PIKFYVE: variants seen among roughly 807,000 people sequenced by gnomAD.
PIKFYVE encodes the protein phosphoinositide kinase, FYVE-type zinc finger containing, also known as 1-phosphatidylinositol 3-phosphate 5-kinase.
A neutral mutation model predicts 257.9 loss-of-function variants in PIKFYVE; 122 were observed. The ratio of observed to expected loss-of-function variants is 0.47; its 90% CI spans 0.41 to 0.55. The LOEUF is 0.55. Ranked by LOEUF, PIKFYVE falls within the 20% of genes least tolerant of loss-of-function variation. The pLI is 0.00. For missense variants in PIKFYVE, 2,160 were observed against 2,536.6 expected, an observed-to-expected ratio of 0.85 and a Z score of 3.19; for synonymous variants, 892 against 868.9, an observed-to-expected ratio of 1.03 and a Z score of -0.47.
At position 208,351,404 on chromosome 2, in the gene PIKFYVE, C is replaced by T. The variant is rs769755659; in HGVS notation, c.5664C>T (p.Leu1888=). The stretch of plus-strand genomic sequence containing the variant: ...CTCGTCTGGAAGTCCAGTCCTTCCT[C>T]GACTTTGCACCACATTACTTCAATT... ...QMPRLEVQSF[L]DFAPHYFNYI... The change falls in exon 38 of 42, where the codon CTC becomes CTT. Residue 1888 remains leucine (L), a synonymous_variant. Transcript: ENST00000264380. The T allele has an allele frequency of 1.9e-5, 30 of 1,613,766 alleles. No individual in the cohort carries two copies. The highest frequency in any genetic ancestry group is 1.1e-4 in the African/African-American group (8 of 74,906).
rs746890871 is a variant in PIKFYVE, at chr2:208,314,439, T to G, written c.1826+16T>G. On this transcript the variant is annotated intron_variant, in intron 14 of 41. Coordinates refer to ENST00000264380, the MANE Select transcript of PIKFYVE (RefSeq NM_015040.4). ...AGAGGTTGCTGTAAGGCAATGAAATTTTTAATTTTAATTTTTCACTTTTAT... is the reference window on the plus strand; with the variant it reads ...AGAGGTTGCTGTAAGGCAATGAAATGTTTAATTTTAATTTTTCACTTTTAT... 6.2e-7 allele frequency: 1 copy of G among 1,607,180 alleles called. No homozygotes were observed. Among genetic ancestry groups the G allele is most frequent in the South Asian group, 1.1e-5 (1 of 90,462 alleles).
In PIKFYVE at chr2:208,274,806, A is replaced by G. The variant is rs189002653; in HGVS notation, c.322+1073A>G. 9.0e-3 allele frequency among the ~76,000 whole-genome samples: 1,341 copies of G among 148,380 alleles called. 11 individuals carry two copies. The highest frequency in any genetic ancestry group is 0.031 in the African/African-American group (1,246 of 39,836). ...TCAATAAACTCTCCTTAGCTCTTGA[A>G]TCTGACTCACAACAACACTCTTTTT... On this transcript the variant is annotated intron_variant, in intron 3 of 41. Coordinates refer to ENST00000264380, the MANE Select transcript of PIKFYVE (RefSeq NM_015040.4).
chr2:208,315,058 T>C, intron 14 of PIKFYVE, 135 bp from the exon 15 acceptor site: 2 of 826,220 alleles, frequency 2.4e-6, no homozygotes, highest in Admixed American at 4.1e-5. Flanking sequence ...GAAAGAATGA[T>C]ATTGACCTAG....
chr2:208,338,469 C>T (rs775184959), intron 28 of PIKFYVE, 39 bp from the exon 29 acceptor site: 3 of 1,595,540 alleles, frequency 1.9e-6, no homozygotes, highest in Non-Finnish European at 2.6e-6. Context: ...ATGTGATTTT[C>T]ATGTTTTCCA....
chr2:208,299,168 A>G (rs1004603000), intron 8 of PIKFYVE, among the ~76,000 whole-genome samples: 1 of 152,168 alleles, frequency 6.6e-6, no homozygotes, highest in African/African-American at 2.4e-5. Context: ...TAAGAAATAT[A>G]TAAGTGAAAT....
intron 5 of PIKFYVE, among the ~76,000 whole-genome samples, chr2:208,285,194 C>T (rs765096112): frequency 5.3e-5 from 8 of 152,192 alleles, no homozygotes; most frequent in Non-Finnish European, 1.0e-4. Context: ...CTCCCGGGTT[C>T]AAGCAATTCT....
intron 23 of PIKFYVE, 86 bp from the exon 24 acceptor site, chr2:208,333,229 A>G: frequency 2.2e-6 from 3 of 1,383,772 alleles, no homozygotes; most frequent in African/African-American, 1.4e-5. Flanking sequence ...GCGAGACTCC[A>G]TCTCAAAAAA....
At chr2:208,315,487 G>A in intron 15 of PIKFYVE, 114 bp downstream of exon 15, 1 of 1,255,160 alleles carries the variant, frequency 8.0e-7, no homozygotes, top group Non-Finnish European at 1.1e-6. Context: ...TGCTAGGTGA[G>A]GAGTAGGAGG....
chr2:208,339,933 A>C lies in PIKFYVE; in HGVS notation c.4811-78A>C. On this transcript the variant is annotated intron_variant, in intron 30 of 41. Coordinates refer to ENST00000264380, the MANE Select transcript of PIKFYVE (RefSeq NM_015040.4). The stretch of plus-strand genomic sequence containing the variant: ...ATACATATGTCCATATTCCGAAAGG[A>C]AAAGAACCAAAGTCAGCAGTTTATA... 2.0e-6 allele frequency: 3 copies of C among 1,522,076 alleles called. No individual in the cohort carries two copies. The East Asian group carries it at 7.0e-5, about 36-fold the overall frequency. The allele number at this position is 1,522,076 out of a possible 1,614,324, so 94.3% of individuals were successfully genotyped here.
intron 12 of PIKFYVE, among the ~76,000 whole-genome samples, chr2:208,306,937 C>G (rs1363025884): frequency 6.6e-6 from 1 of 152,140 alleles, no homozygotes; most frequent in Non-Finnish European, 1.5e-5. Flanking sequence ...ACCACCATGC[C>G]TGGCTAATTT....
intron 40 of PIKFYVE, 123 bp from the exon 41 acceptor site, chr2:208,354,448 A>AAAAAC: frequency 1.0e-6 from 1 of 974,672 alleles, no homozygotes; most frequent in South Asian, 1.4e-5. Flanking sequence ...AGCACTTGGC[A>AAAAAC]CATTGTTAGC....
intron 12 of PIKFYVE, among the ~76,000 whole-genome samples, chr2:208,308,480 A>G (rs1694601997): frequency 6.6e-6 from 1 of 152,110 alleles, no homozygotes; most frequent in Non-Finnish European, 1.5e-5. Context: ...TTTGAAATAT[A>G]CAATACACTA....
intron 31 of PIKFYVE, among the ~76,000 whole-genome samples, chr2:208,342,154 GT>G (rs1004534904): frequency 5.9e-5 from 9 of 152,184 alleles, no homozygotes; most frequent in African/African-American, 1.9e-4. Context: ...GCTACACTGG[GT>G]TTTTTTGTGT....
chr2:208,302,151 G>GA (rs777923130), intron 9 of PIKFYVE, 91 bp from the exon 10 acceptor site: 43 of 1,144,020 alleles, frequency 3.8e-5, no homozygotes, highest in Middle Eastern at 1.9e-4. Flanking sequence ...GATTAGAACT[G>GA]AAAAAAAATA....
intron 34 of PIKFYVE, among the ~76,000 whole-genome samples, chr2:208,347,529 C>T (rs1225965767): frequency 6.6e-6 from 1 of 152,164 alleles, no homozygotes; most frequent in Non-Finnish European, 1.5e-5. Context: ...GTTGCTTAAG[C>T]TGTGACTGCC....
chr2:208,321,380 A>G (rs1040262952), intron 17 of PIKFYVE, among the ~76,000 whole-genome samples: 1 of 152,074 alleles, frequency 6.6e-6, no homozygotes, highest in African/African-American at 2.4e-5. Flanking sequence ...AATAAGAGAA[A>G]ATGAGTTGTA....
chr2:208,304,859 T>G lies in PIKFYVE; in HGVS notation c.1482T>G (p.Pro494=). ...GDDNLANSAS[P]SKRTSVSSFQ... ...CAACACTAAAAGATTCTGCCAGTCC[T>G]AGCAAGCGCACATCAGTCAGCAGTT... The change falls in exon 12 of 42, where the codon CCT becomes CCG. Residue 494 remains proline (P), a synonymous_variant. Coordinates refer to ENST00000264380, the MANE Select transcript of PIKFYVE (RefSeq NM_015040.4). 6.2e-7 allele frequency: 1 copy of G among 1,614,134 alleles called. No individual in the cohort carries two copies.
chr2:208,334,964 G>A (rs576971561), intron 24 of PIKFYVE, among the ~76,000 whole-genome samples: 45 of 152,150 alleles, frequency 3.0e-4, no homozygotes, highest in African/African-American at 1.0e-3. Flanking sequence ...TTCAGGAGGT[G>A]GAAAGTAATG....
chr2:208,340,108 C>T lies in PIKFYVE; in HGVS notation c.4908C>T (p.Ser1636=), dbSNP rs868786697. The T allele has an allele frequency of 1.1e-5, 18 of 1,614,000 alleles. No homozygotes were observed. Among genetic ancestry groups the T allele is most frequent in the Non-Finnish European group, 1.4e-5 (17 of 1,179,916 alleles). ...AIFANLLPGN[S]YNPIPFPFDP... Reference sequence around the variant, plus strand: ...TTGCAAATTTGCTTCCAGGAAATAGCTATAATCCTATTCCATTTCCTTTGT... The same window carrying T: ...TTGCAAATTTGCTTCCAGGAAATAGTTATAATCCTATTCCATTTCCTTTGT... The change falls in exon 31 of 42, where the codon AGC becomes AGT. Residue 1636 remains serine (S), a synonymous_variant. Coordinates refer to ENST00000264380, the MANE Select transcript of PIKFYVE (RefSeq NM_015040.4).
Sources: allele counts gnomAD v4.1 joint callset (sites outside exome capture counted in the v4.1 genomes callset), GRCh38; gene constraint gnomAD v4.1.1; transcripts MANE v1.5; gene names NCBI Gene and HGNC (gene_info 2026-07-23, HGNC 2026-07-21).